CCDC91: variants seen among roughly 807,000 people sequenced by gnomAD.
CCDC91 encodes the protein coiled-coil domain containing 91, also known as coiled-coil domain-containing protein 91.
In CCDC91, 48 loss-of-function variants were observed where a neutral mutation model predicts 63.2. The observed-to-expected ratio is 0.76, with a 90% CI of 0.60 to 0.97. The LOEUF (loss-of-function observed/expected upper bound fraction) is 0.97, where lower values mean the gene tolerates loss of function less well. CCDC91 is among the 50% of genes least tolerant of loss of function. The pLI, the probability that CCDC91 is intolerant of heterozygous loss-of-function variation, is 0.00. For missense variants in CCDC91, 500 were observed against 494.6 expected, an observed-to-expected ratio of 1.01 and a Z score of -0.10; for synonymous variants, 167 against 165.8, an observed-to-expected ratio of 1.01 and a Z score of -0.06.
chr12:28,504,755 A>G (rs1428851212), intron 12 of CCDC91, among the ~76,000 whole-genome samples: 1 of 151,948 alleles, frequency 6.6e-6, no homozygotes, highest in Non-Finnish European at 1.5e-5. Flanking sequence ...GTCACTTAAA[A>G]TATTCTTACG....
chr12:28,218,849 G>A (rs543092890), intron 1 of CCDC91, among the ~76,000 whole-genome samples: 7 of 152,100 alleles, frequency 4.6e-5, no homozygotes, highest in South Asian at 2.1e-4. Flanking sequence ...AACATTGTAT[G>A]GATGTACCAT....
chr12:28,293,923 G>GT (rs1403385522), intron 3 of CCDC91, among the ~76,000 whole-genome samples: 5 of 151,924 alleles, frequency 3.3e-5, no homozygotes, highest in African/African-American at 4.8e-5. Flanking sequence ...ATTTTTCATT[G>GT]TTTTTTTAAC....
At chr12:28,329,583 T>A (rs962617580) in intron 6 of CCDC91, among the ~76,000 whole-genome samples, 5 of 152,298 alleles carry the variant, frequency 3.3e-5, no homozygotes, top group Non-Finnish European at 7.3e-5. Context: ...ATAGATCTTA[T>A]AAATTGTCAG....
intron 11 of CCDC91, among the ~76,000 whole-genome samples, chr12:28,466,036 T>G (rs1411762479): frequency 6.6e-6 from 1 of 151,892 alleles, no homozygotes; most frequent in East Asian, 1.9e-4. Flanking sequence ...TACTGAAGAA[T>G]GCATCAGAGC....
intron 12 of CCDC91, among the ~76,000 whole-genome samples, chr12:28,509,681 G>T (rs1939150870): frequency 6.6e-6 from 1 of 151,834 alleles, no homozygotes; most frequent in African/African-American, 2.4e-5. Context: ...TGTATTAAAA[G>T]ATATGTGTGA....
chr12:28,243,475 A>G (rs1945485767), intron 1 of CCDC91, among the ~76,000 whole-genome samples: 3 of 152,224 alleles, frequency 2.0e-5, no homozygotes, highest in African/African-American at 7.2e-5. Flanking sequence ...TCAAACAGGT[A>G]GCAAAATTTG....
At chr12:28,256,063 T>A (rs1592120653) in intron 1 of CCDC91, 1 of 152,212 alleles carries the variant, frequency 6.6e-6, no homozygotes, top group South Asian at 2.1e-4. Context: ...TCAAGGAAAC[T>A]ATAATCAACA....
chr12:28,409,768 A>C (rs1468443961), intron 8 of CCDC91, among the ~76,000 whole-genome samples: 1 of 151,956 alleles, frequency 6.6e-6, no homozygotes, highest in Non-Finnish European at 1.5e-5. Flanking sequence ...AATACTTTTA[A>C]ATTTATCTTT....
intron 7 of CCDC91, among the ~76,000 whole-genome samples, chr12:28,369,048 C>T (rs558878092): frequency 6.6e-6 from 1 of 152,208 alleles, no homozygotes; most frequent in South Asian, 2.1e-4. Flanking sequence ...TGTCCCTGGC[C>T]CTTCCCAAAT....
At chr12:28,439,863 C>T (rs1377887534) in intron 8 of CCDC91, among the ~76,000 whole-genome samples, 1 of 150,212 alleles carries the variant, frequency 6.7e-6, no homozygotes, top group African/African-American at 2.4e-5. Context: ...TTTCTGAGTG[C>T]CTTTATTTTA....
intron 3 of CCDC91, among the ~76,000 whole-genome samples, chr12:28,298,086 A>T (rs891357229): frequency 3.3e-4 from 49 of 150,240 alleles, no homozygotes; most frequent in African/African-American, 1.2e-3. Flanking sequence ...ACTTAGAGGG[A>T]AATAATATGC....
chr12:28,520,227 C>A (rs1940466505), intron 12 of CCDC91, among the ~76,000 whole-genome samples: 2 of 152,182 alleles, frequency 1.3e-5, no homozygotes, highest in African/African-American at 4.8e-5. Context: ...TCCTCTCCAG[C>A]ACCTGTTGTT....
chr12:28,291,439 GT>G (rs1270748280), intron 3 of CCDC91, among the ~76,000 whole-genome samples: 1 of 152,186 alleles, frequency 6.6e-6, no homozygotes, highest in Non-Finnish European at 1.5e-5. Flanking sequence ...AGGCATTGTA[GT>G]TTTCAGTGCA....
chr12:28,443,324 C>T (rs1471463584), intron 8 of CCDC91, among the ~76,000 whole-genome samples: 3 of 151,736 alleles, frequency 2.0e-5, no homozygotes, highest in Non-Finnish European at 4.4e-5. Flanking sequence ...TTGCTGCCCT[C>T]GACCTCTTTT....
intron 8 of CCDC91, among the ~76,000 whole-genome samples, chr12:28,428,092 C>G (rs957893783): frequency 1.2e-4 from 19 of 152,080 alleles, no homozygotes; most frequent in Admixed American, 1.1e-3. Context: ...AGCAATCTGT[C>G]TTTTATTGAT....
chr12:28,271,343 T>C (rs1947758000), intron 3 of CCDC91, among the ~76,000 whole-genome samples: 2 of 152,134 alleles, frequency 1.3e-5, no homozygotes, highest in Non-Finnish European at 2.9e-5. Flanking sequence ...TATTGTTTAT[T>C]ATATTTTTCC....
chr12:28,228,852 G>T (rs1054467837), intron 1 of CCDC91, among the ~76,000 whole-genome samples: 7 of 152,168 alleles, frequency 4.6e-5, no homozygotes, highest in Middle Eastern at 3.4e-3. Flanking sequence ...CCTCTACCAA[G>T]AATACATTTT....
intron 1 of CCDC91, among the ~76,000 whole-genome samples, chr12:28,214,327 C>A (rs1943425390): frequency 6.6e-6 from 1 of 151,960 alleles, no homozygotes; most frequent in African/African-American, 2.4e-5. Context: ...TACAGGGTAT[C>A]CCTTAGGATG....
At chr12:28,461,011 A>T (rs965839020) in intron 11 of CCDC91, among the ~76,000 whole-genome samples, 1 of 152,004 alleles carries the variant, frequency 6.6e-6, no homozygotes, top group African/African-American at 2.4e-5. Flanking sequence ...CACTTAGGTT[A>T]TTTAGGTATA....
Sources: allele counts gnomAD v4.1 joint callset (sites outside exome capture counted in the v4.1 genomes callset), GRCh38; gene constraint gnomAD v4.1.1; transcripts MANE v1.5; gene names NCBI Gene and HGNC (gene_info 2026-07-23, HGNC 2026-07-21).